SPOCK1: variants seen among roughly 807,000 people sequenced by gnomAD.
SPOCK1 encodes the protein testican-1.
A neutral mutation model predicts 55.3 loss-of-function variants in SPOCK1; 23 were observed. The ratio of observed to expected loss-of-function variants is 0.42; its 90% CI spans 0.30 to 0.59. SPOCK1 has a LOEUF of 0.59. SPOCK1 is among the 20% of genes least tolerant of loss of function. The pLI, the probability that SPOCK1 is intolerant of heterozygous loss-of-function variation, is 0.22. For synonymous variants in SPOCK1, 226 were observed against 221.0 expected, an observed-to-expected ratio of 1.02 and a Z score of -0.20; for missense variants, 499 against 552.5, an observed-to-expected ratio of 0.90 and a Z score of 0.97.
chr5:137,119,555 C>T (rs936528752), intron 4 of SPOCK1, among the ~76,000 whole-genome samples: 1 of 152,126 alleles, frequency 6.6e-6, no homozygotes, highest in African/African-American at 2.4e-5. Flanking sequence ...TGTGGGCTCA[C>T]GTGTCTCCCT....
chr5:137,340,268 G>A (rs1750390509), intron 2 of SPOCK1, among the ~76,000 whole-genome samples: 1 of 152,128 alleles, frequency 6.6e-6, no homozygotes. Context: ...ATCATTACCT[G>A]ACACTGGCCG....
chr5:137,424,230 A>G (rs556242743), intron 2 of SPOCK1, among the ~76,000 whole-genome samples: 5 of 152,206 alleles, frequency 3.3e-5, no homozygotes, highest in African/African-American at 1.2e-4. Flanking sequence ...AAAACTTTTA[A>G]ATTAGCCAGG....
At chr5:137,092,384 T>C (rs560286128) in intron 5 of SPOCK1, among the ~76,000 whole-genome samples, 4 of 151,924 alleles carry the variant, frequency 2.6e-5, no homozygotes, top group East Asian at 1.9e-4. Flanking sequence ...GGAGGAAGAG[T>C]GTGCCACAAG....
At chr5:137,402,198 C>G (rs372460715) in intron 2 of SPOCK1, among the ~76,000 whole-genome samples, 4 of 152,222 alleles carry the variant, frequency 2.6e-5, no homozygotes, top group Admixed American at 1.3e-4. Context: ...TTCAGTTCCC[C>G]TGAGTCAGAG....
chr5:137,325,234 A>G (rs772260329), intron 2 of SPOCK1, among the ~76,000 whole-genome samples: 9 of 152,206 alleles, frequency 5.9e-5, no homozygotes, highest in Admixed American at 1.3e-4. Flanking sequence ...CCAATCAGCT[A>G]TGGTATTATC....
intron 6 of SPOCK1, among the ~76,000 whole-genome samples, chr5:137,042,695 G>A (rs72792583): frequency 0.035 from 5,305 of 152,224 alleles, 118 homozygotes; most frequent in Non-Finnish European, 0.052. Context: ...ATAGTGGATG[G>A]TGGGAGCCAA....
chr5:137,488,944 T>C (rs1754118807), intron 2 of SPOCK1, among the ~76,000 whole-genome samples: 1 of 152,176 alleles, frequency 6.6e-6, no homozygotes. Context: ...AGTTTGTTTT[T>C]GAGAATGAAG....
intron 2 of SPOCK1, among the ~76,000 whole-genome samples, chr5:137,389,118 T>C (rs893241151): frequency 1.3e-5 from 2 of 152,148 alleles, no homozygotes; most frequent in African/African-American, 4.8e-5. Context: ...CAAATGATAA[T>C]CCAAATAAGA....
At chr5:137,349,398 T>C (rs1750628553) in intron 2 of SPOCK1, among the ~76,000 whole-genome samples, 1 of 152,214 alleles carries the variant, frequency 6.6e-6, no homozygotes, top group Non-Finnish European at 1.5e-5. Flanking sequence ...GACTGAAGAT[T>C]CAGGTTTCCA....
chr5:137,371,447 T>A (rs1015861495), intron 2 of SPOCK1, among the ~76,000 whole-genome samples: 12 of 152,196 alleles, frequency 7.9e-5, no homozygotes, highest in Admixed American at 5.2e-4. Context: ...TTTCACTCCA[T>A]TGCAAGAGTC....
At chr5:137,121,656 A>T (rs1461759513) in intron 4 of SPOCK1, among the ~76,000 whole-genome samples, 2 of 146,712 alleles carry the variant, frequency 1.4e-5, no homozygotes, top group Non-Finnish European at 3.0e-5. Flanking sequence ...CATTAATTAT[A>T]TATAATATAT....
At chr5:137,084,566 TA>T (rs1561603517) in intron 5 of SPOCK1, among the ~76,000 whole-genome samples, 1 of 151,942 alleles carries the variant, frequency 6.6e-6, no homozygotes, top group Non-Finnish European at 1.5e-5. Flanking sequence ...GGGAAACCCC[TA>T]TTAGAGAGGG....
chr5:137,205,675 G>T (rs564319045), intron 3 of SPOCK1, among the ~76,000 whole-genome samples: 1 of 152,320 alleles, frequency 6.6e-6, no homozygotes, highest in South Asian at 2.1e-4. Flanking sequence ...GCATGATCAA[G>T]TCACAGCCAC....
intron 2 of SPOCK1, among the ~76,000 whole-genome samples, chr5:137,341,726 C>T (rs142417912): frequency 1.2e-4 from 19 of 152,270 alleles, no homozygotes; most frequent in Admixed American, 3.3e-4. Context: ...AGAGTAGAGA[C>T]GACACTTCCC....
chr5:137,195,279 C>G (rs757138721), intron 3 of SPOCK1, among the ~76,000 whole-genome samples: 1 of 152,224 alleles, frequency 6.6e-6, no homozygotes, highest in Non-Finnish European at 1.5e-5. Flanking sequence ...CTTTTAGGAG[C>G]CTCTGCCTAT....
chr5:137,028,836 T>C (rs2126984442), intron 6 of SPOCK1, among the ~76,000 whole-genome samples: 1 of 151,956 alleles, frequency 6.6e-6, no homozygotes, highest in Non-Finnish European at 1.5e-5. Flanking sequence ...AAGAAAAAAG[T>C]GGTCATTATA....
chr5:137,294,000 C>T (rs960657468), intron 2 of SPOCK1, among the ~76,000 whole-genome samples: 1 of 152,114 alleles, frequency 6.6e-6, no homozygotes, highest in Non-Finnish European at 1.5e-5. Flanking sequence ...GGTGACAGAG[C>T]GACACTCCAT....
At chr5:137,116,653 A>T (rs775486481) in intron 4 of SPOCK1, among the ~76,000 whole-genome samples, 55 of 152,058 alleles carry the variant, frequency 3.6e-4, no homozygotes, top group Non-Finnish European at 6.9e-4. Context: ...TCTAAAAAAA[A>T]AAAACTTCTA....
At chr5:137,263,948 T>C (rs937965569) in intron 3 of SPOCK1, among the ~76,000 whole-genome samples, 2 of 152,194 alleles carry the variant, frequency 1.3e-5, no homozygotes, top group Non-Finnish European at 2.9e-5. Flanking sequence ...ATGATAGCAC[T>C]CGCTCCATGA....
Sources: gnomAD v4.1 joint callset for allele counts (sites outside exome capture counted in the v4.1 genomes callset) on GRCh38, gnomAD v4.1.1 for gene constraint, MANE v1.5 for transcripts, NCBI Gene and HGNC (gene_info 2026-07-23, HGNC 2026-07-21) for gene names.